PRKAG2: variants seen among roughly 807,000 people sequenced by gnomAD.
PRKAG2 encodes the protein 5'-AMP-activated protein kinase subunit gamma-2.
PRKAG2 carries 26 observed loss-of-function variants against 69.6 expected under a neutral mutation model. That is an observed-to-expected ratio of 0.37 (90% CI 0.27 to 0.52). The LOEUF is 0.52. PRKAG2 is among the 20% of genes least tolerant of loss of function. The pLI, the probability that PRKAG2 is intolerant of heterozygous loss-of-function variation, is 0.90. For synonymous variants in PRKAG2, 293 were observed against 285.0 expected, an observed-to-expected ratio of 1.03 and a Z score of -0.28; for missense variants, 557 against 740.0, an observed-to-expected ratio of 0.75 and a Z score of 2.87.
chr7:151,627,852 C>CG (rs897570061), intron 5 of PRKAG2, among the ~76,000 whole-genome samples: 25 of 152,224 alleles, frequency 1.6e-4, no homozygotes, highest in African/African-American at 5.8e-4. Context: ...TTTATAAAGA[C>CG]GGGGTCTCAC....
intron 1 of PRKAG2, among the ~76,000 whole-genome samples, chr7:151,846,771 T>C (rs1002927889): frequency 1.2e-4 from 19 of 152,212 alleles, no homozygotes; most frequent in African/African-American, 4.6e-4. Context: ...ATAACCACCA[T>C]AGGGCTTCAT....
chr7:151,758,975 G>A (rs2075260102), intron 3 of PRKAG2, among the ~76,000 whole-genome samples: 2 of 152,126 alleles, frequency 1.3e-5, no homozygotes, highest in Admixed American at 1.3e-4. Flanking sequence ...CCCCAGCCCT[G>A]TCTCTACCAT....
chr7:151,791,413 G>A (rs2151824591), intron 1 of PRKAG2, among the ~76,000 whole-genome samples: 1 of 152,236 alleles, frequency 6.6e-6, no homozygotes. Flanking sequence ...CCCACCACTG[G>A]TCTCTACTCC....
At chr7:151,629,044 G>A (rs994899709) in intron 5 of PRKAG2, among the ~76,000 whole-genome samples, 14 of 152,264 alleles carry the variant, frequency 9.2e-5, no homozygotes, top group Non-Finnish European at 1.8e-4. Flanking sequence ...ACAGAGCAGG[G>A]GGCTGGCACA....
At chr7:151,791,870 T>C (rs1271801771) in intron 1 of PRKAG2, among the ~76,000 whole-genome samples, 9 of 152,240 alleles carry the variant, frequency 5.9e-5, no homozygotes. Flanking sequence ...CTCCCAACTG[T>C]TGCCTCATTT....
At chr7:151,718,108 T>C (rs975863016) in intron 3 of PRKAG2, among the ~76,000 whole-genome samples, 22 of 152,188 alleles carry the variant, frequency 1.4e-4, no homozygotes, top group Admixed American at 1.4e-3. Flanking sequence ...CTTAGTCATC[T>C]TGGGCTGGCA....
intron 3 of PRKAG2, among the ~76,000 whole-genome samples, chr7:151,760,614 C>T (rs1354471482): frequency 1.3e-5 from 2 of 152,186 alleles, no homozygotes; most frequent in African/African-American, 2.4e-5. Context: ...ATTTCCTCTG[C>T]CCCAGACCTC....
intron 5 of PRKAG2, among the ~76,000 whole-genome samples, chr7:151,596,478 G>A (rs1184312406): frequency 6.6e-6 from 1 of 152,194 alleles, no homozygotes; most frequent in Non-Finnish European, 1.5e-5. Context: ...ACCAGGTGTG[G>A]TAGCACGCGC....
At chr7:151,799,564 G>A (rs950572256) in intron 1 of PRKAG2, among the ~76,000 whole-genome samples, 1 of 152,196 alleles carries the variant, frequency 6.6e-6, no homozygotes, top group African/African-American at 2.4e-5. Context: ...ATGAATCTGT[G>A]ACTTCCCCAG....
At chr7:151,704,348 T>C (rs1443284416) in intron 3 of PRKAG2, among the ~76,000 whole-genome samples, 2 of 152,234 alleles carry the variant, frequency 1.3e-5, no homozygotes, top group Admixed American at 1.3e-4. Flanking sequence ...TTTGCCTGGC[T>C]GTGTATTTTG....
At chr7:151,688,042 G>GCTCCC (rs1554539801) in intron 3 of PRKAG2, among the ~76,000 whole-genome samples, 3 of 107,064 alleles carry the variant, frequency 2.8e-5, no homozygotes, top group Admixed American at 9.4e-5. Flanking sequence ...AGGAAATGAG[G>GCTCCC]CCCCCCCCCG....
At chr7:151,817,053 T>C (rs1240093965) in intron 1 of PRKAG2, among the ~76,000 whole-genome samples, 1 of 152,078 alleles carries the variant, frequency 6.6e-6, no homozygotes, top group East Asian at 1.9e-4. Context: ...CATAAACAAC[T>C]CCACTCCTGC....
intron 14 of PRKAG2, among the ~76,000 whole-genome samples, chr7:151,562,672 C>T (rs1191216704): frequency 1.3e-5 from 2 of 152,028 alleles, no homozygotes; most frequent in Non-Finnish European, 2.9e-5. Context: ...TGGTTACATT[C>T]AATAGTGGAT....
intron 3 of PRKAG2, among the ~76,000 whole-genome samples, chr7:151,714,389 C>T (rs745713971): frequency 1.3e-5 from 2 of 149,928 alleles, no homozygotes; most frequent in Non-Finnish European, 3.0e-5. Flanking sequence ...CGCGCCCCGC[C>T]GTGCCTAGGT....
chr7:151,743,060 G>A (rs1346735414), intron 3 of PRKAG2, among the ~76,000 whole-genome samples: 4 of 152,076 alleles, frequency 2.6e-5, no homozygotes, highest in African/African-American at 7.2e-5. Flanking sequence ...TCCGCCAGTC[G>A]ATGATCCCAC....
chr7:151,610,416 C>G (rs768639558), intron 5 of PRKAG2, among the ~76,000 whole-genome samples: 1 of 150,314 alleles, frequency 6.7e-6, no homozygotes, highest in African/African-American at 2.4e-5. Flanking sequence ...CGGTGGCTTA[C>G]GGCTGTAATC....
Position 151,557,074 on chromosome 7 carries a change from G to T in PRKAG2, c.*127C>A. On this transcript the variant is annotated 3_prime_UTR_variant, in exon 16 of 16. Coordinates refer to ENST00000287878, the MANE Select transcript of PRKAG2 (RefSeq NM_016203.4). ...TTTTAAGCTTAATTTCAACATCACT[G>T]GAAGAAATACCTATTGTTAAACCCT... is the stretch of plus-strand genomic sequence containing the variant. 6.9e-7 allele frequency: 1 copy of T among 1,455,314 alleles called. No individual in the cohort carries two copies. The highest frequency in any genetic ancestry group is 9.6e-7 in the Non-Finnish European group (1 of 1,043,130). The allele number at this position is 1,455,314 out of a possible 1,614,324, so 90.2% of individuals were successfully genotyped here.
chr7:151,801,220 G>A (rs1433756677), intron 1 of PRKAG2, among the ~76,000 whole-genome samples: 4 of 152,208 alleles, frequency 2.6e-5, no homozygotes, highest in Non-Finnish European at 5.9e-5. Context: ...AGAACACAGA[G>A]AAAGGTGCAT....
intron 4 of PRKAG2, among the ~76,000 whole-genome samples, chr7:151,670,089 T>TACCTGCATGCACATAC (rs1223656858): frequency 6.0e-4 from 62 of 103,030 alleles, no homozygotes; most frequent in African/African-American, 2.1e-3. Context: ...CATGCACACA[T>TACCTGCATGCACATAC]ACCTGCATGC....
Sources: allele counts gnomAD v4.1 joint callset (sites outside exome capture counted in the v4.1 genomes callset), GRCh38; gene constraint gnomAD v4.1.1; transcripts MANE v1.5; gene names NCBI Gene and HGNC (gene_info 2026-07-23, HGNC 2026-07-21).